NOX3: variants seen among roughly 807,000 people sequenced by gnomAD.
The protein encoded by NOX3 is NADPH oxidase 3.
Under a neutral mutation model 76.7 loss-of-function variants are expected in NOX3, and 74 were observed. The ratio of observed to expected loss-of-function variants is 0.96; its 90% confidence interval spans 0.80 to 1.17. NOX3 has a LOEUF of 1.17. Among genes scored for constraint, NOX3 ranks in the 50% most tolerant of loss-of-function variants. NOX3 has a pLI of 0.00. For synonymous variants in NOX3, 263 were observed against 261.1 expected (o/e 1.01, Z -0.07); for missense variants, 695 against 703.3 (o/e 0.99, Z 0.13).
At chr6:155,436,376 G>C in intron 7 of NOX3, 42 bp downstream of exon 7, 3 of 1,610,786 alleles carry the variant, frequency 1.9e-6, no homozygotes, top group Non-Finnish European at 2.5e-6. Context: ...TATTTTAACT[G>C]TGGTGACATT....
chr6:155,403,369 C>T (rs1779259938), intron 12 of NOX3, among the ~76,000 whole-genome samples: 1 of 152,098 alleles, frequency 6.6e-6, no homozygotes, highest in African/African-American at 2.4e-5. Flanking sequence ...TTGACTTTGC[C>T]TTCATGTGTC....
chr6:155,454,877 A>T lies in NOX3; in HGVS notation c.189T>A (p.Phe63Leu), dbSNP rs780703312. 6.2e-7 allele frequency: 1 copy of T among 1,610,784 alleles called. No individual in the cohort carries two copies. The highest frequency in any genetic ancestry group is 1.1e-5 in the South Asian group (1 of 90,270). Residue 63 changes from phenylalanine to leucine, a missense_variant, in exon 3 of 14, where the codon TTT becomes TTA. Coordinates refer to ENST00000159060, the MANE Select transcript of NOX3 (RefSeq NM_015718.3). ...WARASALCLN[F>L]NCMLILIPVS... ...CAGGTATTAGAATTAGCATGCAGTT[A>T]AAATTCAGGCACAGTGCGGATGCTC...
chr6:155,399,114 T>C (rs939569938), intron 12 of NOX3, among the ~76,000 whole-genome samples: 1 of 152,184 alleles, frequency 6.6e-6, no homozygotes, highest in Non-Finnish European at 1.5e-5. Context: ...GGCGAGACCC[T>C]TCCCAGTGAG....
chr6:155,445,682 C>G (rs768247874), intron 4 of NOX3, among the ~76,000 whole-genome samples: 17 of 151,832 alleles, frequency 1.1e-4, no homozygotes, highest in Non-Finnish European at 2.1e-4. Context: ...CCCTGCACCC[C>G]TGATGAACTT....
chr6:155,401,988 C>A (rs912094716), intron 12 of NOX3, among the ~76,000 whole-genome samples: 4 of 152,044 alleles, frequency 2.6e-5, no homozygotes, highest in African/African-American at 9.7e-5. Context: ...GCAACTGATC[C>A]ACAAATTCAG....
chr6:155,424,711 A>G (rs1379962096), intron 9 of NOX3, among the ~76,000 whole-genome samples: 1 of 152,254 alleles, frequency 6.6e-6, no homozygotes, highest in East Asian at 1.9e-4. Flanking sequence ...ATAAAAGGTC[A>G]TTAACCAGAA....
At chr6:155,428,672 A>G (rs1016908597) in intron 9 of NOX3, 122 bp downstream of exon 9, 3 of 887,366 alleles carry the variant, frequency 3.4e-6, no homozygotes, top group Non-Finnish European at 4.7e-6. Flanking sequence ...TCTCAAATTT[A>G]GACACAGTCT....
chr6:155,418,660 A>C (rs928006274), intron 10 of NOX3, among the ~76,000 whole-genome samples: 1 of 149,952 alleles, frequency 6.7e-6, no homozygotes, highest in Non-Finnish European at 1.5e-5. Flanking sequence ...CTTCAAATGG[A>C]AAGTACTACT....
intron 10 of NOX3, among the ~76,000 whole-genome samples, chr6:155,422,233 A>G (rs1776698354): frequency 6.6e-6 from 1 of 152,198 alleles, no homozygotes; most frequent in Non-Finnish European, 1.5e-5. Flanking sequence ...AGGGAGATTC[A>G]GAGCGGGATG....
intron 12 of NOX3, 39 bp from the exon 13 acceptor site, chr6:155,397,001 G>A: frequency 6.3e-7 from 1 of 1,577,060 alleles, no homozygotes; most frequent in Non-Finnish European, 8.6e-7. Flanking sequence ...AATGTCACCA[G>A]GAGGCAAGGC....
At chr6:155,453,547 T>C (rs373151851) in intron 3 of NOX3, 59 bp from the exon 4 acceptor site, 7 of 1,330,200 alleles carry the variant, frequency 5.3e-6, no homozygotes, top group Non-Finnish European at 7.6e-6. Context: ...AACAATCTCA[T>C]GAAAGTTAAG....
intron 5 of NOX3, 79 bp downstream of exon 5, chr6:155,443,193 TC>T: frequency 7.5e-7 from 1 of 1,336,384 alleles, no homozygotes; most frequent in Non-Finnish European, 1.0e-6. Context: ...TAAAAGCTTT[TC>T]AATATAGCGT....
At chr6:155,442,604 G>T (rs550602036) in intron 5 of NOX3, among the ~76,000 whole-genome samples, 1 of 152,246 alleles carries the variant, frequency 6.6e-6, no homozygotes, top group Non-Finnish European at 1.5e-5. Flanking sequence ...CAACCACAAA[G>T]AAAGAGGTAG....
chr6:155,395,789 G>T (rs371517609), intron 13 of NOX3, among the ~76,000 whole-genome samples: 2 of 152,038 alleles, frequency 1.3e-5, no homozygotes, highest in Non-Finnish European at 2.9e-5. Context: ...AAAGACTGGC[G>T]CAATGGGAAT....
chr6:155,396,905 C>G lies in NOX3; in HGVS notation c.1638G>C (p.Lys546Asn), dbSNP rs1166708711. The G allele has an allele frequency of 6.2e-7, 1 of 1,613,520 alleles. No individual in the cohort carries two copies. Among genetic ancestry groups the G allele is most frequent in the Admixed American group, 1.7e-5 (1 of 60,008 alleles). ...CAGCTGATGAATACAAGTGGCACAT[C>G]TTTTGAAGTGTCCTCGAGAGAGCTT... ...GPKALSRTLQ[K>N]MCHLYSSADP... The change falls in exon 13 of 14, where the codon AAG (lysine) becomes AAC (asparagine). Residue 546 changes from lysine to asparagine, a missense_variant. Transcript: ENST00000159060.
intron 10 of NOX3, among the ~76,000 whole-genome samples, chr6:155,412,349 A>T (rs1443240939): frequency 6.6e-6 from 1 of 152,204 alleles, no homozygotes; most frequent in East Asian, 1.9e-4. Flanking sequence ...TATAAATGAG[A>T]TTTAATGAAT....
At chr6:155,411,186 T>C in intron 11 of NOX3, 28 bp downstream of exon 11, 1 of 1,605,596 alleles carries the variant, frequency 6.2e-7, no homozygotes, top group Non-Finnish European at 8.5e-7. Context: ...TTCAGCAATA[T>C]TGCTTATTCT....
chr6:155,426,918 T>G (rs1158335122), intron 9 of NOX3, among the ~76,000 whole-genome samples: 3 of 150,228 alleles, frequency 2.0e-5, no homozygotes, highest in African/African-American at 7.4e-5. Flanking sequence ...GCAAAAAGGA[T>G]GAAAACTTTT....
intron 4 of NOX3, among the ~76,000 whole-genome samples, chr6:155,450,814 TGGCAGGGGGCACA>T (rs1311477175): frequency 3.2e-4 from 48 of 152,004 alleles, no homozygotes; most frequent in Non-Finnish European, 2.4e-4. Flanking sequence ...GATAAGACTG[TGGCAGGGGGCACA>T]GGCAGGGGGC....
Sources: gnomAD v4.1 joint callset for allele counts (sites outside exome capture counted in the v4.1 genomes callset) on GRCh38, gnomAD v4.1.1 for gene constraint, MANE v1.5 for transcripts, NCBI Gene and HGNC (gene_info 2026-07-23, HGNC 2026-07-21) for gene names.